The following MGAT4C variants were observed in gnomAD, a reference collection of about 807,000 sequenced individuals.
The protein encoded by MGAT4C is alpha-1,3-mannosyl-glycoprotein 4-beta-N-acetylglucosaminyltransferase C.
A neutral mutation model predicts 40.1 loss-of-function variants in MGAT4C; 19 were observed. The observed-to-expected ratio is 0.47, with a 90% CI of 0.33 to 0.70. The LOEUF is 0.70. MGAT4C is among the 30% of genes least tolerant of loss of function. MGAT4C has a pLI of 0.02. For missense variants in MGAT4C, 491 were observed against 563.2 expected (o/e 0.87, Z 1.30); for synonymous variants, 181 against 187.1 (o/e 0.97, Z 0.27).
intron 3 of MGAT4C, among the ~76,000 whole-genome samples, chr12:86,406,582 A>C (rs1225428311): frequency 6.6e-6 from 1 of 152,092 alleles, no homozygotes; most frequent in East Asian, 1.9e-4. Flanking sequence ...GAATGGCTAA[A>C]AGAAACAAAC....
chr12:86,133,354 C>T (rs7957388), intron 1 of MGAT4C, among the ~76,000 whole-genome samples: 5,801 of 152,232 alleles, frequency 0.038, 378 homozygotes, highest in African/African-American at 0.13. Context: ...TGTCAGTATC[C>T]TTATTTGTAA....
chr12:86,650,826 T>G (rs1341401913), intron 2 of MGAT4C, among the ~76,000 whole-genome samples: 1 of 151,932 alleles, frequency 6.6e-6, no homozygotes, highest in Non-Finnish European at 1.5e-5. Flanking sequence ...TAGGGACTGC[T>G]GTGTGTTGCC....
intron 3 of MGAT4C, among the ~76,000 whole-genome samples, chr12:86,415,633 T>C (rs1956694676): frequency 6.6e-6 from 1 of 152,032 alleles, no homozygotes; most frequent in Admixed American, 6.6e-5. Context: ...TCCCAGTATT[T>C]GAATTTTAGA....
rs1296038641 is a variant in MGAT4C, at chr12:85,960,070, G to C, written c.*19219C>G. On this transcript the variant is annotated 3_prime_UTR_variant, in exon 5 of 5. Coordinates refer to ENST00000611864, the MANE Select transcript of MGAT4C (RefSeq NM_001351288.2). ...ATTGTTGCACGGACTACATTGATTA[G>C]AGTCTAATTTTTGGAAAGTATACTT... is the stretch of plus-strand genomic sequence containing the variant. 6.6e-6 allele frequency: 1 copy of C among 151,932 alleles called. No homozygotes were observed. Among genetic ancestry groups the C allele is most frequent in the Non-Finnish European group, 1.5e-5 (1 of 67,902 alleles). The allele number at this position is 151,932 out of a possible 1,614,324, so 9.4% of individuals were successfully genotyped here.
At chr12:86,834,637 C>CACACACACACACACA (rs398020454) in intron 1 of MGAT4C, among the ~76,000 whole-genome samples, 17 of 149,918 alleles carry the variant, frequency 1.1e-4, no homozygotes, top group Non-Finnish European at 1.9e-4. Context: ...CACACACACA[C>CACACACACACACACA]CCCTTTACAG....
chr12:86,350,027 A>C (rs1357243087), intron 3 of MGAT4C, among the ~76,000 whole-genome samples: 1 of 152,090 alleles, frequency 6.6e-6, no homozygotes, highest in Non-Finnish European at 1.5e-5. Flanking sequence ...GATACAACCA[A>C]AAACTTTACC....
chr12:86,445,555 G>T (rs1957318863), intron 2 of MGAT4C, among the ~76,000 whole-genome samples: 1 of 152,238 alleles, frequency 6.6e-6, no homozygotes, highest in African/African-American at 2.4e-5. Flanking sequence ...TCATATTCAA[G>T]AAGTATATGC....
chr12:86,200,897 T>G (rs552568924), intron 1 of MGAT4C, among the ~76,000 whole-genome samples: 1 of 152,284 alleles, frequency 6.6e-6, no homozygotes, highest in East Asian at 1.9e-4. Flanking sequence ...TTCTTTCTCT[T>G]TCTGAACAGG....
chr12:86,164,759 C>T (rs929991885), intron 1 of MGAT4C, among the ~76,000 whole-genome samples: 2 of 152,012 alleles, frequency 1.3e-5, no homozygotes, highest in African/African-American at 4.8e-5. Flanking sequence ...GCTACTGTTG[C>T]AGAGTGTGAG....
intron 1 of MGAT4C, among the ~76,000 whole-genome samples, chr12:86,116,742 T>A (rs1468564109): frequency 1.3e-5 from 2 of 152,120 alleles, no homozygotes; most frequent in Non-Finnish European, 2.9e-5. Context: ...GTATTCATTG[T>A]TAATAAGTAT....
chr12:86,144,356 T>C (rs568805658), intron 1 of MGAT4C, among the ~76,000 whole-genome samples: 26 of 152,336 alleles, frequency 1.7e-4, no homozygotes, highest in Admixed American at 1.6e-3. Flanking sequence ...ATTCTCCTAA[T>C]TGAAACTACA....
At chr12:86,769,237 C>T (rs1423423405) in intron 1 of MGAT4C, among the ~76,000 whole-genome samples, 3 of 152,160 alleles carry the variant, frequency 2.0e-5, no homozygotes, top group Non-Finnish European at 4.4e-5. Context: ...CAAAAGAAGA[C>T]ATTTATGCAG....
At chr12:86,726,759 A>G (rs1032619027) in intron 2 of MGAT4C, among the ~76,000 whole-genome samples, 2 of 152,156 alleles carry the variant, frequency 1.3e-5, no homozygotes, top group African/African-American at 2.4e-5. Flanking sequence ...ATAAATAAGT[A>G]CCACCTGTAT....
chr12:86,761,540 ATC>A (rs1192473707), intron 1 of MGAT4C, among the ~76,000 whole-genome samples: 1 of 152,206 alleles, frequency 6.6e-6, no homozygotes, highest in East Asian at 1.9e-4. Context: ...ACACAAATCT[ATC>A]CTCTTATATT....
intron 2 of MGAT4C, among the ~76,000 whole-genome samples, chr12:85,990,217 T>A (rs1592623063): frequency 1.3e-5 from 2 of 152,242 alleles, no homozygotes. Context: ...CTGTTTGAAA[T>A]AATTCATGTA....
chr12:86,369,218 T>G (rs905177971), intron 3 of MGAT4C, among the ~76,000 whole-genome samples: 2 of 151,968 alleles, frequency 1.3e-5, no homozygotes, highest in African/African-American at 4.8e-5. Flanking sequence ...TCCTTTTCCA[T>G]CCTTTCCTTT....
chr12:86,648,868 G>C (rs1197783189), intron 2 of MGAT4C, among the ~76,000 whole-genome samples: 1 of 151,758 alleles, frequency 6.6e-6, no homozygotes, highest in Non-Finnish European at 1.5e-5. Flanking sequence ...GTATGTAATT[G>C]CAAGTAATAC....
chr12:86,028,094 T>G, intron 2 of MGAT4C: 1 of 1,279,304 alleles, frequency 7.8e-7, no homozygotes, highest in South Asian at 1.2e-5. Context: ...CTACCTTTTC[T>G]AAATAATACC....
At chr12:86,515,435 T>G (rs1195949144) in intron 2 of MGAT4C, among the ~76,000 whole-genome samples, 2 of 152,150 alleles carry the variant, frequency 1.3e-5, no homozygotes, top group Non-Finnish European at 2.9e-5. Context: ...TCAGCAAGGT[T>G]GCACAATACA....
Sources: gnomAD v4.1 joint callset for allele counts (sites outside exome capture counted in the v4.1 genomes callset) on GRCh38, gnomAD v4.1.1 for gene constraint, MANE v1.5 for transcripts, NCBI Gene and HGNC (gene_info 2026-07-23, HGNC 2026-07-21) for gene names.